Variants in DISC1 observed in about 807,000 individuals in gnomAD.
DISC1 encodes disrupted in schizophrenia 1 protein.
DISC1 carries 57 observed loss-of-function variants against 84.5 expected under a neutral mutation model. The observed-to-expected ratio is 0.67, with a 90% CI of 0.55 to 0.84. DISC1 has a LOEUF of 0.84. Ranked by LOEUF, DISC1 falls within the 40% of genes least tolerant of loss-of-function variation. The probability of loss-of-function intolerance (pLI) is 0.00; values close to 1 mark genes in which losing one functional copy is unlikely to be tolerated. For synonymous variants in DISC1, 411 were observed against 415.2 expected (o/e 0.99, Z 0.12); for missense variants, 1,000 against 1,057.8 (o/e 0.95, Z 0.76).
At chr1:231,733,786 G>GA (rs1365025665) in intron 3 of DISC1, among the ~76,000 whole-genome samples, 3 of 88,252 alleles carry the variant, frequency 3.4e-5, no homozygotes, top group East Asian at 7.0e-4. Flanking sequence ...GGTGGTGATT[G>GA]TGGGAGTGGT....
intron 10 of DISC1, among the ~76,000 whole-genome samples, chr1:232,002,309 G>A (rs904119092): frequency 1.3e-5 from 2 of 152,142 alleles, no homozygotes; most frequent in African/African-American, 4.8e-5. Flanking sequence ...CTGAAAAACA[G>A]TTTGGCAGTT....
At chr1:231,779,167 C>T (rs948882345) in intron 6 of DISC1, among the ~76,000 whole-genome samples, 2 of 152,172 alleles carry the variant, frequency 1.3e-5, no homozygotes, top group African/African-American at 4.8e-5. Flanking sequence ...CGAGCACTGT[C>T]CTAGAGATGA....
intron 2 of DISC1, among the ~76,000 whole-genome samples, chr1:231,699,809 C>T (rs1205882049): frequency 1.3e-5 from 2 of 152,218 alleles, no homozygotes; most frequent in Non-Finnish European, 2.9e-5. Context: ...CTTCATGTCT[C>T]TTCTTGACAC....
At position 232,008,851 on chromosome 1, in the gene DISC1, G is replaced by A; in HGVS notation, c.2109G>A (p.Gln703=). The change falls in exon 11 of 13, where the codon CAG becomes CAA. Residue 703 remains glutamine (Q), a synonymous_variant. Coordinates refer to ENST00000439617, the MANE Select transcript of DISC1 (RefSeq NM_018662.3). ...TGGAAGCTTGTCGATTGCTTATCCA[G>A]AGCCTACAGCTCCAGGAAGCCAGGG... ...ADLEACRLLI[Q]SLQLQEARGS... is the part of the protein sequence containing the mutation. The A allele has an allele frequency of 1.9e-6, 3 of 1,612,490 alleles. No homozygotes were observed. The highest frequency in any genetic ancestry group is 2.5e-6 in the Non-Finnish European group (3 of 1,179,110).
intron 3 of DISC1, among the ~76,000 whole-genome samples, chr1:231,708,167 G>C (rs2067320582): frequency 6.6e-6 from 1 of 152,158 alleles, no homozygotes; most frequent in African/African-American, 2.4e-5. Flanking sequence ...GCATTATTTT[G>C]GGTGTTTCTT....
At chr1:231,865,766 A>G (rs952934462) in intron 9 of DISC1, among the ~76,000 whole-genome samples, 2 of 152,198 alleles carry the variant, frequency 1.3e-5, no homozygotes, top group African/African-American at 2.4e-5. Flanking sequence ...TACATGAGAG[A>G]AGTCAGGTCT....
chr1:231,771,566 A>G (rs1203174745), intron 6 of DISC1: 1 of 985,460 alleles, frequency 1.0e-6, no homozygotes, highest in Non-Finnish European at 1.2e-6. Context: ...AGGCAGTGTT[A>G]TAAGCTGACT....
At chr1:231,817,188 G>A (rs2081093035) in intron 8 of DISC1, among the ~76,000 whole-genome samples, 1 of 152,152 alleles carries the variant, frequency 6.6e-6, no homozygotes, top group Non-Finnish European at 1.5e-5. Flanking sequence ...GGGTTTAAGT[G>A]ATTCTCCTGC....
At position 231,694,804 on chromosome 1, in the gene DISC1, A is replaced by G; in HGVS notation, c.1046A>G (p.Glu349Gly). 1 of 1,613,400 alleles carries G rather than the reference A, an allele frequency of 6.2e-7. No individual in the cohort carries two copies. Among genetic ancestry groups the G allele is most frequent in the Non-Finnish European group, 8.5e-7 (1 of 1,179,922 alleles). Residue 349 changes from glutamate to glycine, a missense_variant and splice_region_variant, in exon 2 of 13, where the codon GAG becomes GGG. Glu to Gly is a moderately conservative substitution (Grantham distance 98, BLOSUM62 -2). Transcript: ENST00000439617. Reference protein sequence around the residue: ...DCLLRNRRQMEVISLRLKLQK... With the variant: ...DCLLRNRRQMGVISLRLKLQK... ...CTGCTGAGAAACCGGAGGCAGATGG[A>G]GGTCAGTGTCTCTTCCACCTCTGTG...
chr1:231,936,310 C>T (rs1465130037), intron 9 of DISC1, among the ~76,000 whole-genome samples: 1 of 152,130 alleles, frequency 6.6e-6, no homozygotes, highest in African/African-American at 2.4e-5. Flanking sequence ...AGCATCCAGC[C>T]AATACCTAGT....
intron 3 of DISC1, chr1:231,721,018 A>C: frequency 1.5e-6 from 2 of 1,290,992 alleles, no homozygotes; most frequent in Non-Finnish European, 2.0e-6. Flanking sequence ...GAAAATTGAC[A>C]ATGGAAAATG....
At chr1:231,796,677 G>T (rs2078790704) in intron 7 of DISC1, among the ~76,000 whole-genome samples, 2 of 152,190 alleles carry the variant, frequency 1.3e-5, no homozygotes, top group Admixed American at 1.3e-4. Flanking sequence ...TTAGGAACAA[G>T]TGGTGCCCGT....
In DISC1 at chr1:231,742,906, AAGAG is replaced by A. The variant is rs146678136; in HGVS notation, c.1118-7016_1118-7013del. Reference sequence around the variant, plus strand: ...CACTTTGTCTTAAAAAAGAAAAAAAAAGAGAGAAAGTAGTAGCTTTTGATGCCTA... The same window carrying A: ...CACTTTGTCTTAAAAAAGAAAAAAAAAGAAAGTAGTAGCTTTTGATGCCTA... On this transcript the variant is annotated intron_variant, in intron 3 of 12. Coordinates refer to ENST00000439617, the MANE Select transcript of DISC1 (RefSeq NM_018662.3). Among the ~76,000 whole-genome samples, 722 of 152,312 alleles carry A rather than the reference AAGAG, an allele frequency of 4.7e-3. 3 individuals carry two copies. The highest frequency in any genetic ancestry group is 0.017 in the African/African-American group (697 of 41,568).
chr1:231,955,526 G>C (rs1004059666), intron 9 of DISC1, among the ~76,000 whole-genome samples: 2 of 81,970 alleles, frequency 2.4e-5, no homozygotes, highest in Admixed American at 1.5e-4. Context: ...TTTGCTTTTT[G>C]TTGCCCAGGC....
chr1:232,025,523 T>A (rs914898009), intron 11 of DISC1, among the ~76,000 whole-genome samples: 13 of 152,058 alleles, frequency 8.5e-5, no homozygotes, highest in Non-Finnish European at 1.8e-4. Context: ...CGATCAATAC[T>A]ACGTGCCTGT....
chr1:231,703,579 G>A (rs1188260045), intron 3 of DISC1, among the ~76,000 whole-genome samples: 3 of 152,154 alleles, frequency 2.0e-5, no homozygotes, highest in Non-Finnish European at 4.4e-5. Context: ...AGGCCAATCA[G>A]GCCCTAGTTT....
Position 231,726,959 on chromosome 1 carries a change from A to T in DISC1, c.1118-22967A>T, listed in dbSNP as rs578246638. Among the ~76,000 whole-genome samples, 47 of 152,332 alleles carry T rather than the reference A, an allele frequency of 3.1e-4. 1 individual carries two copies. Among genetic ancestry groups the T allele is most frequent in the African/African-American group, 1.0e-3 (43 of 41,580 alleles). On this transcript the variant is annotated intron_variant, in intron 3 of 12. Coordinates refer to ENST00000439617, the MANE Select transcript of DISC1 (RefSeq NM_018662.3). Reference sequence around the variant, plus strand: ...GGGGTGTAACTATTCAGGATTATTCATTAAGAGAGGGCTCTCAAGCTAATA... The same window carrying T: ...GGGGTGTAACTATTCAGGATTATTCTTTAAGAGAGGGCTCTCAAGCTAATA...
At chr1:231,892,440 A>G (rs2087306925) in intron 9 of DISC1, among the ~76,000 whole-genome samples, 1 of 152,148 alleles carries the variant, frequency 6.6e-6, no homozygotes, top group Non-Finnish European at 1.5e-5. Flanking sequence ...CCTTGAGTAA[A>G]CTGCTGAACC....
chr1:231,664,001 A>T (rs1028880293), intron 1 of DISC1, among the ~76,000 whole-genome samples: 6 of 151,950 alleles, frequency 3.9e-5, no homozygotes, highest in African/African-American at 1.5e-4. Context: ...CTTCAGTTTC[A>T]TGTGCTAATG....
Sources: gnomAD v4.1 joint callset for allele counts (sites outside exome capture counted in the v4.1 genomes callset) on GRCh38, gnomAD v4.1.1 for gene constraint, MANE v1.5 for transcripts, NCBI Gene and HGNC (gene_info 2026-07-23, HGNC 2026-07-21) for gene names.